Variants in KLHL13 observed in about 807,000 individuals in gnomAD.
KLHL13 encodes the protein kelch like family member 13, also known as kelch-like protein 13.
Under a neutral mutation model 37.1 loss-of-function variants are expected in KLHL13, and 10 were observed. The observed-to-expected ratio is 0.27, with a 90% CI of 0.17 to 0.46. The LOEUF (loss-of-function observed/expected upper bound fraction) is 0.46. Among genes scored for constraint, KLHL13 ranks in the 20% least tolerant of loss-of-function variants. The pLI is 1.00. For missense variants in KLHL13, 360 were observed against 509.3 expected (o/e 0.71, Z 2.82); for synonymous variants, 163 against 181.2 (o/e 0.90, Z 0.81).
chrX:117,918,857 G>A (rs964811000), intron 4 of KLHL13, among the ~76,000 whole-genome samples: 1 of 111,997 alleles, frequency 8.9e-6, no homozygotes, highest in African/African-American at 3.2e-5. Context: ...ATTTTAAAGA[G>A]TTCTAGAAGC....
At position 118,057,340 on chromosome X, in the gene KLHL13, C is replaced by G. The variant is rs755730052; in HGVS notation, c.-56+59168G>C. ...CATATACATATACATTTGTGTATACCATATACAAATATTAACTAAAATGGA... is the reference window on the plus strand; with the variant it reads ...CATATACATATACATTTGTGTATACGATATACAAATATTAACTAAAATGGA... On this transcript the variant is annotated intron_variant, in intron 1 of 6. Coordinates refer to the KLHL13 transcript ENST00000371882. Among the ~76,000 whole-genome samples, 18 of 111,809 alleles carry G rather than the reference C, an allele frequency of 1.6e-4. 1 individual carries two copies. Among genetic ancestry groups the G allele is most frequent in the Admixed American group, 2.8e-4 (3 of 10,548 alleles).
chrX:117,915,794 G>T lies in KLHL13; in HGVS notation c.570+3727C>A, dbSNP rs139584919. Among the ~76,000 whole-genome samples, 11 of 112,205 alleles carry T rather than the reference G, an allele frequency of 9.8e-5. No individual in the cohort carries two copies. The East Asian group carries it at 2.5e-3, about 26-fold the overall frequency. On this transcript the variant is annotated intron_variant, in intron 4 of 6. Coordinates refer to ENST00000262820, the Ensembl canonical transcript of KLHL13. ...TCCTCCATAACAAAAGTTCCGTGGG[G>T]CAAATGCTAGATGCTAAAAATTTCA... is the stretch of plus-strand genomic sequence containing the variant.
At chrX:117,977,473 C>T (rs2053608846), upstream of KLHL13, among the ~76,000 whole-genome samples, 1 of 111,568 alleles carries the variant, frequency 9.0e-6, no homozygotes, top group Non-Finnish European at 1.9e-5. Flanking sequence ...ACTAATATAT[C>T]ATGTTTCTAA....
exon 1 of KLHL13, chrX:117,972,992 G>C (rs776252177): frequency 1.9e-6 from 2 of 1,064,858 alleles, no homozygotes; most frequent in Non-Finnish European, 2.4e-6. Context: ...TGTAAAATAG[G>C]GCTGTAAGGT....
intron 1 of KLHL13, among the ~76,000 whole-genome samples, chrX:118,016,733 T>C (rs1225276948): frequency 9.0e-6 from 1 of 111,449 alleles, no homozygotes; most frequent in African/African-American, 3.3e-5. Context: ...CCTGATCTTG[T>C]GATTGGATTG....
At chrX:118,082,302 A>G (rs1376591864) in intron 1 of KLHL13, among the ~76,000 whole-genome samples, 1 of 110,827 alleles carries the variant, frequency 9.0e-6, no homozygotes, top group Non-Finnish European at 1.9e-5. Flanking sequence ...TAGCAATTCT[A>G]ACAGGGGTGA....
At chrX:118,023,795 C>T (rs939751778) in intron 1 of KLHL13, among the ~76,000 whole-genome samples, 5 of 111,302 alleles carry the variant, frequency 4.5e-5, no homozygotes, top group Non-Finnish European at 9.4e-5. Context: ...TGGTCTTGGA[C>T]GCTTAACCTC....
intron 1 of KLHL13, among the ~76,000 whole-genome samples, chrX:118,057,680 G>A (rs914727852): frequency 9.0e-6 from 1 of 110,577 alleles, no homozygotes; most frequent in African/African-American, 3.3e-5. Flanking sequence ...AAAAAAATTA[G>A]TCGGGTGTGG....
chrX:117,927,627 C>A (rs1010301069), intron 2 of KLHL13, among the ~76,000 whole-genome samples: 3 of 112,111 alleles, frequency 2.7e-5, no homozygotes, highest in Non-Finnish European at 5.6e-5. Context: ...AAGTTCCATA[C>A]CATGGAATAC....
intron 1 of KLHL13, among the ~76,000 whole-genome samples, chrX:118,089,264 T>C (rs1021633474): frequency 1.8e-5 from 2 of 110,508 alleles, no homozygotes; most frequent in Non-Finnish European, 3.8e-5. Context: ...CACTATCCAG[T>C]GGCTGTGAGA....
intron 5 of KLHL13, among the ~76,000 whole-genome samples, chrX:117,903,138 A>G (rs1319895848): frequency 1.0e-5 from 1 of 96,056 alleles, no homozygotes; most frequent in Non-Finnish European, 2.1e-5. Flanking sequence ...CAGGCAAAAC[A>G]CACACACACA....
rs1181221029 is a variant in KLHL13 at position 117,901,957 on chromosome X, A to C, written c.1367-11T>G. The C allele has an allele frequency of 1.0e-6, 1 of 960,401 alleles. No homozygotes were observed. Among genetic ancestry groups the C allele is most frequent in the East Asian group, 3.1e-5 (1 of 32,593 alleles). The allele number at this position is 960,401 out of a possible 1,213,427, so 79.1% of individuals were successfully genotyped here. ...AACATTCTACTGTGGCTGTTAAAAA[A>C]AAAAAGAAAAGAAAATTATTTTTAA... is the stretch of plus-strand genomic sequence containing the variant. On this transcript the variant is annotated splice_polypyrimidine_tract_variant and intron_variant, in intron 5 of 6. Transcript: ENST00000262820.
At chrX:117,947,166 C>G (rs190695884) in intron 1 of KLHL13, 44 of 111,714 alleles carry the variant, frequency 3.9e-4, no homozygotes, top group African/African-American at 1.4e-3. Context: ...CTTTTGTGGA[C>G]AGACGTTTAA....
chrX:117,946,636 T>G (rs1328910454), intron 1 of KLHL13: 1 of 112,267 alleles, frequency 8.9e-6, no homozygotes, highest in African/African-American at 3.2e-5. Flanking sequence ...AAAAGACTGC[T>G]AAAATAGACA....
intron 2 of KLHL13, among the ~76,000 whole-genome samples, chrX:117,928,831 A>G (rs1932232183): frequency 2.7e-5 from 3 of 112,017 alleles, no homozygotes; most frequent in Middle Eastern, 4.6e-3. Context: ...TTGCAATAAT[A>G]AAGATCATAG....
chrX:117,930,236 G>GGAAGGGAGGAAGGAAGGAAGGAAC (rs1932342251), intron 2 of KLHL13, among the ~76,000 whole-genome samples: 1 of 84,861 alleles, frequency 1.2e-5, no homozygotes, highest in Non-Finnish European at 2.2e-5. Context: ...AAGGAAGGAA[G>GGAAGGGAGGAAGGAAGGAAGGAAC]GAAGGGAGGA....
rs1005242813 is a variant in KLHL13 at position 118,003,183 on chromosome X, T to A, written c.-55-57608A>T. ...CCCTAAATAACCAGGAATAGGTTAC[T>A]GTGCAATAGGTTTTTAAAATACCTC... On this transcript the variant is annotated intron_variant, in intron 1 of 6. Coordinates refer to the KLHL13 transcript ENST00000371882. 4.2e-4 allele frequency among the ~76,000 whole-genome samples: 47 copies of A among 112,452 alleles called. 1 individual carries two copies. The Admixed American group carries it at 4.3e-3, about 10-fold the overall frequency.
At chrX:117,947,797 A>G (rs1000493558) in intron 1 of KLHL13, 2 of 111,434 alleles carry the variant, frequency 1.8e-5, no homozygotes, top group Non-Finnish European at 3.8e-5. Context: ...CAATATTCCC[A>G]TCTATCTCCC....
rs1228408285 is a variant in KLHL13 at position 117,983,460 on chromosome X, A to C, written c.-55-37885T>G. ...GAAAAAAAAAAAAAGGTGAGGAAAA[A>C]TGTAGACCCCTGGACATACCCTGAA... On this transcript the variant is annotated intron_variant, in intron 1 of 6. Coordinates refer to the KLHL13 transcript ENST00000371882. 4.7e-6 allele frequency: 5 copies of C among 1,064,213 alleles called. No homozygotes were observed. In the East Asian group the frequency reaches 1.7e-4, roughly 35 times the overall value. 87.7% of individuals were successfully genotyped at this position (1,064,213 alleles called of 1,213,427 possible). A position where few individuals can be genotyped will look rare whatever the true frequency, so the allele number is the denominator to read the frequency against.
Sources: gnomAD v4.1 joint callset for allele counts (sites outside exome capture counted in the v4.1 genomes callset) on GRCh38, gnomAD v4.1.1 for gene constraint, MANE v1.5 for transcripts, NCBI Gene and HGNC (gene_info 2026-07-23, HGNC 2026-07-21) for gene names.